MACROH2A1: variants seen among roughly 807,000 people sequenced by gnomAD.
MACROH2A1 encodes core histone macro-H2A.1.
A neutral mutation model predicts 31.6 loss-of-function variants in MACROH2A1; 2 were observed. That is an observed-to-expected ratio of 0.06 (90% CI 0.03 to 0.20). The LOEUF (loss-of-function observed/expected upper bound fraction) is 0.20. Among genes scored for constraint, MACROH2A1 ranks in the 10% least tolerant of loss-of-function variants. The probability of loss-of-function intolerance (pLI) is 1.00; values close to 1 mark genes in which losing one functional copy is unlikely to be tolerated. For missense variants in MACROH2A1, 230 were observed against 474.0 expected (o/e 0.49, Z 4.78); for synonymous variants, 169 against 189.6 (o/e 0.89, Z 0.89).
At chr5:135,365,776 TTTATCC>T (rs986657228) in intron 4 of MACROH2A1, among the ~76,000 whole-genome samples, 23 of 152,362 alleles carry the variant, frequency 1.5e-4, no homozygotes, top group African/African-American at 5.5e-4. Context: ...CTTTGAGGAC[TTTATCC>T]TATACATTTA....
At chr5:135,375,065 T>TG (rs1298217187) in intron 2 of MACROH2A1, among the ~76,000 whole-genome samples, 1 of 152,202 alleles carries the variant, frequency 6.6e-6, no homozygotes, top group East Asian at 1.9e-4. Flanking sequence ...CAATTATAAA[T>TG]GGTGCAAAGG....
chr5:135,350,757 C>G, intron 6 of MACROH2A1: 14 of 922,254 alleles, frequency 1.5e-5, no homozygotes, highest in Non-Finnish European at 2.5e-5. Flanking sequence ...GTCAAAGGAT[C>G]AAGCTGTCTG....
At chr5:135,360,809 T>A (rs1738502564) in intron 4 of MACROH2A1, 1 of 693,264 alleles carries the variant, frequency 1.4e-6, no homozygotes. Flanking sequence ...TATATGTTAA[T>A]CACTTTATGA....
intron 2 of MACROH2A1, among the ~76,000 whole-genome samples, chr5:135,382,256 C>T (rs566832831): frequency 6.6e-6 from 1 of 152,310 alleles, no homozygotes; most frequent in Admixed American, 6.5e-5. Flanking sequence ...GAACCCTCCA[C>T]GTGGAACTTG....
intron 2 of MACROH2A1, among the ~76,000 whole-genome samples, chr5:135,380,591 C>T (rs1002357724): frequency 2.0e-5 from 3 of 152,134 alleles, no homozygotes; most frequent in Admixed American, 2.0e-4. Flanking sequence ...CCAGGCAGGC[C>T]TCAACTCACA....
intron 4 of MACROH2A1, among the ~76,000 whole-genome samples, chr5:135,366,407 G>T (rs1439934291): frequency 1.3e-5 from 2 of 152,112 alleles, no homozygotes; most frequent in African/African-American, 2.4e-5. Context: ...CATGAATTCT[G>T]TTAAGCCTCA....
intron 6 of MACROH2A1, chr5:135,351,325 A>T (rs1282034302): frequency 1.2e-5 from 2 of 160,676 alleles, no homozygotes; most frequent in African/African-American, 4.8e-5. Context: ...AAGTTTCTCC[A>T]TTCTGTCTGC....
At chr5:135,396,674 GGGGC>G (rs1297042540) in intron 1 of MACROH2A1, among the ~76,000 whole-genome samples, 8 of 151,952 alleles carry the variant, frequency 5.3e-5, no homozygotes, top group African/African-American at 1.9e-4. Flanking sequence ...GGGGCTACGT[GGGGC>G]CTTTTGCACT....
intron 2 of MACROH2A1, among the ~76,000 whole-genome samples, chr5:135,376,476 C>A (rs879501439): frequency 3.3e-5 from 5 of 152,190 alleles, no homozygotes; most frequent in Non-Finnish European, 7.4e-5. Flanking sequence ...TAATCTAACC[C>A]ACCAACCCAA....
chr5:135,351,897 A>C (rs1490903894), intron 6 of MACROH2A1, among the ~76,000 whole-genome samples: 1 of 149,694 alleles, frequency 6.7e-6, no homozygotes, highest in Non-Finnish European at 1.5e-5. Flanking sequence ...TTTGGATAGA[A>C]TCCTTGCTTT....
chr5:135,343,612 G>T, intron 7 of MACROH2A1, 178 bp from the exon 8 acceptor site: 1 of 970,190 alleles, frequency 1.0e-6, no homozygotes. Flanking sequence ...CTGGAGCCAA[G>T]CCACACCCTT....
chr5:135,397,654 A>C (rs1247918300), intron 1 of MACROH2A1, among the ~76,000 whole-genome samples: 1 of 152,210 alleles, frequency 6.6e-6, no homozygotes, highest in Non-Finnish European at 1.5e-5. Flanking sequence ...CATCCTCATC[A>C]GAGAGTCTCT....
At chr5:135,370,466 C>T (rs1764040247) in intron 2 of MACROH2A1, among the ~76,000 whole-genome samples, 1 of 152,182 alleles carries the variant, frequency 6.6e-6, no homozygotes, top group African/African-American at 2.4e-5. Flanking sequence ...AGAAAGGGTG[C>T]TTGCAGTTAG....
intron 2 of MACROH2A1, among the ~76,000 whole-genome samples, chr5:135,387,419 C>T (rs773601647): frequency 6.6e-5 from 10 of 152,196 alleles, no homozygotes; most frequent in Non-Finnish European, 1.3e-4. Context: ...GGGAAACCCT[C>T]GGCCTTGCCT....
chr5:135,360,390 G>A (rs528998074), intron 5 of MACROH2A1, 107 bp downstream of exon 5: 6 of 746,766 alleles, frequency 8.0e-6, no homozygotes, highest in South Asian at 4.6e-5. Flanking sequence ...GTCTACCCAC[G>A]AGGCTGGGAG....
intron 7 of MACROH2A1, chr5:135,344,554 A>T (rs1038665061): frequency 6.6e-6 from 1 of 152,096 alleles, no homozygotes; most frequent in Non-Finnish European, 1.5e-5. Context: ...CTCTGGGCTG[A>T]CCTATAAAAA....
chr5:135,374,055 C>CG (rs1441685793), intron 2 of MACROH2A1, among the ~76,000 whole-genome samples: 1 of 152,122 alleles, frequency 6.6e-6, no homozygotes, highest in Non-Finnish European at 1.5e-5. Flanking sequence ...AGCAGAGGGC[C>CG]GGGGCATTTC....
intron 2 of MACROH2A1, among the ~76,000 whole-genome samples, chr5:135,378,419 T>A (rs928681306): frequency 6.6e-6 from 1 of 152,196 alleles, no homozygotes; most frequent in African/African-American, 2.4e-5. Flanking sequence ...CTTCAAGGCC[T>A]ATCTTGCAGG....
At position 135,343,770 on chromosome 5, in the gene MACROH2A1, G is replaced by A. The variant is rs901027099; in HGVS notation, c.779-336C>T. On this transcript the variant is annotated intron_variant, in intron 7 of 8. Transcript: ENST00000511689. ...AACTGAACGCAAACTCAACGTGTCA[G>A]AACATTTGCAGCCTCAAAATAATTG... The A allele has an allele frequency of 5.2e-5, 16 of 310,210 alleles. No homozygotes were observed. The South Asian group carries it at 6.3e-4, about 12-fold the overall frequency. 19.2% of individuals were successfully genotyped at this position (310,210 alleles called of 1,614,324 possible).
Sources: allele counts gnomAD v4.1 joint callset (sites outside exome capture counted in the v4.1 genomes callset), GRCh38; gene constraint gnomAD v4.1.1; transcripts MANE v1.5; gene names NCBI Gene and HGNC (gene_info 2026-07-23, HGNC 2026-07-21).